CACHD1: variants seen among roughly 807,000 people sequenced by gnomAD.
CACHD1 encodes the protein VWFA and cache domain-containing protein 1.
A neutral mutation model predicts 138.7 loss-of-function variants in CACHD1; 71 were observed. The observed-to-expected ratio is 0.51, with a 90% CI of 0.42 to 0.62. The LOEUF (loss-of-function observed/expected upper bound fraction) is 0.62. Among genes scored for constraint, CACHD1 ranks in the 20% least tolerant of loss-of-function variants. CACHD1 has a pLI of 0.00. For synonymous variants in CACHD1, 578 were observed against 591.5 expected (o/e 0.98, Z 0.33); for missense variants, 1,389 against 1,625.3 (o/e 0.85, Z 2.50).
chr1:64,514,257 A>T (rs952943827), intron 1 of CACHD1, among the ~76,000 whole-genome samples: 2 of 152,182 alleles, frequency 1.3e-5, no homozygotes, highest in African/African-American at 4.8e-5. Flanking sequence ...ATTGCCAGTG[A>T]ATGCTTTTTG....
intron 3 of CACHD1, among the ~76,000 whole-genome samples, chr1:64,599,892 A>T (rs138406849): frequency 6.6e-6 from 1 of 152,252 alleles, no homozygotes; most frequent in Non-Finnish European, 1.5e-5. Flanking sequence ...CTTCATCCAG[A>T]TAGACAAAGG....
At chr1:64,665,420 A>C (rs778925720) in intron 15 of CACHD1, among the ~76,000 whole-genome samples, 60 of 152,142 alleles carry the variant, frequency 3.9e-4, no homozygotes, top group Non-Finnish European at 7.1e-4. Context: ...AGATCACACC[A>C]CTGCACTCCA....
rs181556277 is a variant in CACHD1 at position 64,626,844 on chromosome 1, C to T, written c.518-2511C>T. Reference sequence around the variant, plus strand: ...TTCCATAGCCCTTCTCTGTACCTCACGCAAGCTCTTAATCAGATACTGTGA... The same window carrying T: ...TTCCATAGCCCTTCTCTGTACCTCATGCAAGCTCTTAATCAGATACTGTGA... On this transcript the variant is annotated intron_variant, in intron 4 of 26. Transcript: ENST00000651257. Among the ~76,000 whole-genome samples the T allele has an allele frequency of 4.7e-3, 723 of 152,260 alleles. 1 individual carries two copies. The highest frequency in any genetic ancestry group is 8.2e-3 in the Non-Finnish European group (558 of 68,024).
intron 1 of CACHD1, among the ~76,000 whole-genome samples, chr1:64,542,787 CTTGACCATGTACT>C (rs2100432326): frequency 6.6e-6 from 1 of 152,242 alleles, no homozygotes; most frequent in South Asian, 2.1e-4. Flanking sequence ...TGTATTCAGA[CTTGACCATGTACT>C]TACAATATTC....
At chr1:64,649,374 A>T (rs1570450987) in intron 9 of CACHD1, among the ~76,000 whole-genome samples, 1 of 151,908 alleles carries the variant, frequency 6.6e-6, no homozygotes, top group South Asian at 2.1e-4. Flanking sequence ...AATCACTCCT[A>T]TTACTGTCAG....
intron 13 of CACHD1, among the ~76,000 whole-genome samples, chr1:64,662,250 G>T (rs182937451): frequency 5.5e-4 from 84 of 152,318 alleles, no homozygotes; most frequent in South Asian, 1.5e-3. Flanking sequence ...TTAGGGGAAG[G>T]CCTGAAGTTA....
At chr1:64,671,083 G>A (rs1049333733) in intron 16 of CACHD1, among the ~76,000 whole-genome samples, 4 of 152,164 alleles carry the variant, frequency 2.6e-5, no homozygotes, top group African/African-American at 9.7e-5. Flanking sequence ...AACTGGACTA[G>A]ACATTGTTCC....
chr1:64,645,429 A>G (rs1221629840), intron 8 of CACHD1, among the ~76,000 whole-genome samples: 1 of 152,206 alleles, frequency 6.6e-6, no homozygotes, highest in Non-Finnish European at 1.5e-5. Flanking sequence ...ACTGTATCAA[A>G]ACATCGCATG....
At chr1:64,570,651 G>A (rs1247068815) in intron 2 of CACHD1, among the ~76,000 whole-genome samples, 1 of 152,166 alleles carries the variant, frequency 6.6e-6, no homozygotes, top group Admixed American at 6.5e-5. Context: ...GTGACTTAGA[G>A]AGTGATATTA....
intron 9 of CACHD1, among the ~76,000 whole-genome samples, 184 bp from the exon 10 acceptor site, chr1:64,651,977 C>T (rs990562418): frequency 6.6e-5 from 10 of 152,194 alleles, no homozygotes; most frequent in Non-Finnish European, 1.0e-4. Flanking sequence ...CCCTCCCACT[C>T]TAACTCATTT....
At chr1:64,570,867 C>T (rs1314214034) in intron 2 of CACHD1, among the ~76,000 whole-genome samples, 1 of 142,932 alleles carries the variant, frequency 7.0e-6, no homozygotes, top group African/African-American at 2.5e-5. Context: ...TTGTGGGGGG[C>T]GGGCGGGGGT....
In CACHD1 at chr1:64,572,067, G is replaced by A. The variant is rs1219123133; in HGVS notation, c.262-10089G>A. Among the ~76,000 whole-genome samples the A allele has an allele frequency of 3.3e-5, 5 of 152,296 alleles. No individual in the cohort carries two copies. The South Asian group carries it at 6.2e-4, about 19-fold the overall frequency. On this transcript the variant is annotated intron_variant, in intron 2 of 26. Coordinates refer to ENST00000651257, the MANE Select transcript of CACHD1 (RefSeq NM_020925.4). ...TTGCTTTTCTTTTCTACAGTTGAGT[G>A]TAGAAAGCCTGGTCTTTCACAGGCC... is the stretch of plus-strand genomic sequence containing the variant.
At chr1:64,610,139 A>C (rs916465496) in intron 4 of CACHD1, among the ~76,000 whole-genome samples, 9 of 152,204 alleles carry the variant, frequency 5.9e-5, no homozygotes, top group Admixed American at 1.3e-4. Flanking sequence ...CCCATGATTC[A>C]GTTACCTCCC....
intron 3 of CACHD1, among the ~76,000 whole-genome samples, chr1:64,584,148 G>A (rs1488261659): frequency 1.3e-5 from 2 of 152,102 alleles, no homozygotes; most frequent in East Asian, 3.8e-4. Flanking sequence ...CTAGATTTAT[G>A]CATTTTTCTC....
rs188634742 is a variant in CACHD1 at position 64,510,154 on chromosome 1, G to A, written c.198+39212G>A. 2.8e-4 allele frequency among the ~76,000 whole-genome samples: 43 copies of A among 152,296 alleles called. No homozygotes were observed. The East Asian group carries it at 3.7e-3, about 13-fold the overall frequency. ...TCAGTGCTGGTACGTGACCAGCTGC[G>A]TGAACCTGAGCAAATCAGTATCTTC... On this transcript the variant is annotated intron_variant, in intron 1 of 26. Transcript: ENST00000651257.
At chr1:64,627,846 C>T (rs1200559671) in intron 4 of CACHD1, among the ~76,000 whole-genome samples, 2 of 152,062 alleles carry the variant, frequency 1.3e-5, no homozygotes, top group Non-Finnish European at 2.9e-5. Flanking sequence ...TTTTTCTAGG[C>T]TATACGGGGG....
intron 4 of CACHD1, among the ~76,000 whole-genome samples, chr1:64,615,917 T>C (rs1422873778): frequency 5.9e-5 from 9 of 152,210 alleles, no homozygotes; most frequent in Non-Finnish European, 1.3e-4. Context: ...CATTTTATTC[T>C]TACCATAGAT....
intron 12 of CACHD1, 138 bp from the exon 13 acceptor site, chr1:64,658,563 CTTCA>C (rs1408207538): frequency 3.4e-6 from 2 of 585,916 alleles, no homozygotes; most frequent in Non-Finnish European, 5.8e-6. Flanking sequence ...ATCCTCATGT[CTTCA>C]TTCATTCATC....
chr1:64,563,411 C>G (rs1646857492), intron 2 of CACHD1, among the ~76,000 whole-genome samples: 1 of 152,072 alleles, frequency 6.6e-6, no homozygotes, highest in South Asian at 2.1e-4. Flanking sequence ...TGGAAAAGGT[C>G]AAAGCAATGA....
Sources: allele counts gnomAD v4.1 joint callset (sites outside exome capture counted in the v4.1 genomes callset), GRCh38; gene constraint gnomAD v4.1.1; transcripts MANE v1.5; gene names NCBI Gene and HGNC (gene_info 2026-07-23, HGNC 2026-07-21).